Variants in FBXL20 observed in about 807,000 individuals in gnomAD.
FBXL20 encodes F-box/LRR-repeat protein 20.
In FBXL20, 11 loss-of-function variants were observed where a neutral mutation model predicts 64.0. That is an observed-to-expected ratio of 0.17 (90% CI 0.11 to 0.28). FBXL20 has a LOEUF of 0.28. Ranked by LOEUF, FBXL20 falls within the 10% of genes least tolerant of loss-of-function variation. FBXL20 has a pLI of 1.00. For synonymous variants in FBXL20, 184 were observed against 189.0 expected, an observed-to-expected ratio of 0.97 and a Z score of 0.22; for missense variants, 303 against 526.2, an observed-to-expected ratio of 0.58 and a Z score of 4.15.
chr17:39,397,985 T>G (rs2048200241), intron 1 of FBXL20, among the ~76,000 whole-genome samples: 1 of 137,156 alleles, frequency 7.3e-6, no homozygotes, highest in Admixed American at 8.1e-5. Flanking sequence ...TAGAGGTAAC[T>G]AGCCGGGTGC....
intron 1 of FBXL20, among the ~76,000 whole-genome samples, chr17:39,396,562 C>A (rs1411192948): frequency 6.7e-6 from 1 of 148,224 alleles, no homozygotes; most frequent in Admixed American, 6.8e-5. Flanking sequence ...CACCATTGCA[C>A]TCTGACCTGG....
At chr17:39,350,641 T>C (rs543261038) in intron 1 of FBXL20, among the ~76,000 whole-genome samples, 76 of 152,278 alleles carry the variant, frequency 5.0e-4, no homozygotes, top group African/African-American at 1.7e-3. Context: ...CTGGAACCAT[T>C]TGGGAAATGC....
intron 1 of FBXL20, among the ~76,000 whole-genome samples, chr17:39,362,757 C>T (rs2047810817): frequency 1.3e-5 from 2 of 151,974 alleles, no homozygotes; most frequent in South Asian, 2.1e-4. Context: ...GCTGGGATTA[C>T]AGGCATGCGC....
At chr17:39,287,085 C>G (rs632606) in intron 6 of FBXL20, among the ~76,000 whole-genome samples, 59,219 of 151,080 alleles carry the variant, frequency 0.39, 15,221 homozygotes, top group African/African-American at 0.73. Flanking sequence ...GCTAATTTTT[C>G]TATTTTTAGT....
chr17:39,262,632 G>A (rs2046756920), intron 14 of FBXL20, among the ~76,000 whole-genome samples: 1 of 152,028 alleles, frequency 6.6e-6, no homozygotes, highest in African/African-American at 2.4e-5. Context: ...CCTACAGCAG[G>A]TGTGAAGCAG....
At chr17:39,266,193 C>A (rs929961370) in intron 12 of FBXL20, among the ~76,000 whole-genome samples, 2 of 148,914 alleles carry the variant, frequency 1.3e-5, no homozygotes, top group African/African-American at 5.0e-5. Context: ...CTCAGCCTCC[C>A]GAGTAGCTGG....
At chr17:39,302,467 G>A (rs1057268408) in intron 3 of FBXL20, among the ~76,000 whole-genome samples, 1 of 148,526 alleles carries the variant, frequency 6.7e-6, no homozygotes, top group Non-Finnish European at 1.5e-5. Context: ...TCCACCTCCC[G>A]GGTTCACGCC....
intron 2 of FBXL20, among the ~76,000 whole-genome samples, chr17:39,334,977 G>T (rs2144550360): frequency 6.6e-6 from 1 of 152,270 alleles, no homozygotes; most frequent in Non-Finnish European, 1.5e-5. Context: ...TTGTATGTAA[G>T]AAAACCCAAT....
At chr17:39,272,716 AAAAAAG>A (rs1358903690) in intron 10 of FBXL20, among the ~76,000 whole-genome samples, 9 of 145,158 alleles carry the variant, frequency 6.2e-5, no homozygotes, top group African/African-American at 1.8e-4. Flanking sequence ...AAAAAAAAAA[AAAAAAG>A]AAAGAAAGAA....
chr17:39,345,846 A>G (rs1224350375), intron 1 of FBXL20, among the ~76,000 whole-genome samples: 1 of 152,034 alleles, frequency 6.6e-6, no homozygotes, highest in East Asian at 1.9e-4. Context: ...TGGCCTAAAT[A>G]TTTTCTGATT....
chr17:39,349,861 G>A lies in FBXL20; in HGVS notation c.43-6620C>T, dbSNP rs559880724. ...TGAGGCAGGAGAATGGCATGAACCC[G>A]GGAGGCGGAGCTTGCAGTGAGCAGA... On this transcript the variant is annotated intron_variant, in intron 1 of 14. Coordinates refer to ENST00000264658, the MANE Select transcript of FBXL20 (RefSeq NM_032875.3). 9.2e-5 allele frequency among the ~76,000 whole-genome samples: 14 copies of A among 151,822 alleles called. No individual in the cohort carries two copies. The South Asian group carries it at 1.2e-3, about 14-fold the overall frequency.
At chr17:39,311,123 T>C (rs1053088713) in intron 2 of FBXL20, among the ~76,000 whole-genome samples, 1 of 152,092 alleles carries the variant, frequency 6.6e-6, no homozygotes, top group Non-Finnish European at 1.5e-5. Flanking sequence ...GCTATGATTA[T>C]GCCACTGCAC....
chr17:39,316,652 A>G (rs561574208), intron 2 of FBXL20, among the ~76,000 whole-genome samples: 4 of 152,380 alleles, frequency 2.6e-5, no homozygotes, highest in African/African-American at 7.2e-5. Flanking sequence ...AAGGGAAGCC[A>G]TAAGTTCAGA....
chr17:39,323,509 T>C (rs950178726), intron 2 of FBXL20, among the ~76,000 whole-genome samples: 3 of 151,824 alleles, frequency 2.0e-5, no homozygotes, highest in African/African-American at 4.9e-5. Flanking sequence ...GAGATCAAGA[T>C]GGGTGGGGAC....
chr17:39,352,682 G>GAAAAA (rs11373643), intron 1 of FBXL20, among the ~76,000 whole-genome samples: 2 of 122,738 alleles, frequency 1.6e-5, no homozygotes, highest in Admixed American at 8.8e-5. Flanking sequence ...CTCTGTCTGG[G>GAAAAA]AAAAAAAAAA....
chr17:39,261,669 GCAGGGCAAAGGC>G, intron 14 of FBXL20, 102 bp from the exon 15 acceptor site: 1 of 820,024 alleles, frequency 1.2e-6, no homozygotes, highest in South Asian at 1.7e-5. Context: ...GAACATAAAA[GCAGGGCAAAGGC>G]TGAGCACTGG....
intron 1 of FBXL20, among the ~76,000 whole-genome samples, chr17:39,366,859 C>A (rs926408854): frequency 1.3e-5 from 2 of 148,580 alleles, no homozygotes; most frequent in East Asian, 3.9e-4. Context: ...GCCTCTTGGT[C>A]TGAGGTTATT....
intron 2 of FBXL20, among the ~76,000 whole-genome samples, chr17:39,318,394 A>G (rs1486712028): frequency 2.0e-5 from 3 of 152,160 alleles, no homozygotes; most frequent in Non-Finnish European, 2.9e-5. Flanking sequence ...CCTTAACCTT[A>G]AAAGTGTTCT....
At chr17:39,383,565 GTC>G (rs2048047089) in intron 1 of FBXL20, among the ~76,000 whole-genome samples, 1 of 150,880 alleles carries the variant, frequency 6.6e-6, no homozygotes, top group Non-Finnish European at 1.5e-5. Context: ...TAGTGTCAGA[GTC>G]TCTTTTTGTG....
Sources: allele counts gnomAD v4.1 joint callset (sites outside exome capture counted in the v4.1 genomes callset), GRCh38; gene constraint gnomAD v4.1.1; transcripts MANE v1.5; gene names NCBI Gene and HGNC (gene_info 2026-07-23, HGNC 2026-07-21).